Variants in ADAM10 observed in about 807,000 individuals in gnomAD.
ADAM10 encodes the protein ADAM metallopeptidase domain 10.
A neutral mutation model predicts 90.1 loss-of-function variants in ADAM10; 17 were observed. That is an observed-to-expected ratio of 0.19 (90% CI 0.13 to 0.28). The LOEUF (loss-of-function observed/expected upper bound fraction) is 0.28, where lower values mean the gene tolerates loss of function less well. Among genes scored for constraint, ADAM10 ranks in the 10% least tolerant of loss-of-function variants. The pLI is 1.00. For missense variants in ADAM10, 610 were observed against 914.3 expected (o/e 0.67, Z 4.29); for synonymous variants, 310 against 298.6 (o/e 1.04, Z -0.40).
At chr15:58,644,008 G>A in intron 6 of ADAM10, 30 bp from the exon 7 acceptor site, 1 of 1,459,758 alleles carries the variant, frequency 6.9e-7, no homozygotes, top group South Asian at 1.1e-5. Flanking sequence ...ACATTTTAGA[G>A]GCAATGTTGA....
intron 11 of ADAM10, among the ~76,000 whole-genome samples, chr15:58,617,812 G>A (rs886328028): frequency 6.0e-5 from 9 of 150,322 alleles, no homozygotes; most frequent in African/African-American, 2.0e-4. Flanking sequence ...AAAAAAAAGA[G>A]TAAGTTTAAT....
intron 1 of ADAM10, among the ~76,000 whole-genome samples, chr15:58,728,172 A>G (rs1384345110): frequency 6.6e-6 from 1 of 152,218 alleles, no homozygotes; most frequent in Non-Finnish European, 1.5e-5. Context: ...AATTAAGCCA[A>G]TAACAGATAT....
chr15:58,692,633 T>A (rs1398220079), intron 2 of ADAM10: 4 of 559,528 alleles, frequency 7.1e-6, no homozygotes, highest in Non-Finnish European at 1.4e-5. Context: ...AAGTACTCTG[T>A]CTGATCTTCT....
In ADAM10 at chr15:58,593,212, C is replaced by T. The variant is rs1336279777; in HGVS notation, c.*4335G>A. 2.8e-5 allele frequency: 3 copies of T among 107,442 alleles called. No homozygotes were observed. Among genetic ancestry groups the T allele is most frequent in the African/African-American group, 1.1e-4 (3 of 27,866 alleles). 6.7% of individuals were successfully genotyped at this position (107,442 alleles called of 1,614,324 possible). ...TTTTTTTTTTTGAGACAGAGTCTCGCTCTGTCACCCAGGCTGGAGTGCAAT... is the reference window on the plus strand; with the variant it reads ...TTTTTTTTTTTGAGACAGAGTCTCGTTCTGTCACCCAGGCTGGAGTGCAAT... On this transcript the variant is annotated 3_prime_UTR_variant, in exon 16 of 16. Coordinates refer to ENST00000260408, the MANE Select transcript of ADAM10 (RefSeq NM_001110.4).
At chr15:58,630,312 G>A (rs1438292800) in intron 9 of ADAM10, among the ~76,000 whole-genome samples, 1 of 152,122 alleles carries the variant, frequency 6.6e-6, no homozygotes, top group Admixed American at 6.5e-5. Flanking sequence ...GATTTCAACA[G>A]GCAGACATGG....
chr15:58,623,507 G>A lies in ADAM10; in HGVS notation c.1361-1886C>T, dbSNP rs17190706. On this transcript the variant is annotated intron_variant, in intron 10 of 15. Coordinates refer to ENST00000260408, the MANE Select transcript of ADAM10 (RefSeq NM_001110.4). ...TGTTTCACTTTAAACCATCTCTTTCGTTCTCAAAAACCAGAAGCATGCACT... is the reference window on the plus strand; with the variant it reads ...TGTTTCACTTTAAACCATCTCTTTCATTCTCAAAAACCAGAAGCATGCACT... 2.7e-3 allele frequency among the ~76,000 whole-genome samples: 408 copies of A among 152,170 alleles called. 1 individual carries two copies. Among genetic ancestry groups the A allele is most frequent in the South Asian group, 0.02 (94 of 4,814 alleles).
At position 58,621,080 on chromosome 15, in the gene ADAM10, G is replaced by A. The variant is rs565407548; in HGVS notation, c.1511+391C>T. Among the ~76,000 whole-genome samples the A allele has an allele frequency of 5.9e-5, 9 of 151,528 alleles. 1 individual carries two copies. In the South Asian group the frequency reaches 1.3e-3, roughly 21 times the overall value. On this transcript the variant is annotated intron_variant, in intron 11 of 15. Coordinates refer to ENST00000260408, the MANE Select transcript of ADAM10 (RefSeq NM_001110.4). ...GTAGTCCAAACAAGCCTGGGCAAAT[G>A]GCGTAACTCTGTCTCTAAAAAAAAA...
intron 2 of ADAM10, among the ~76,000 whole-genome samples, chr15:58,707,555 C>A (rs1033307540): frequency 3.3e-5 from 5 of 152,068 alleles, no homozygotes; most frequent in Admixed American, 2.0e-4. Flanking sequence ...TGAGTAACTT[C>A]ATCCTATGTA....
intron 1 of ADAM10, among the ~76,000 whole-genome samples, chr15:58,719,305 C>T (rs548169793): frequency 3.8e-4 from 58 of 151,358 alleles, no homozygotes; most frequent in Admixed American, 1.1e-3. Context: ...GCCTGGGCAA[C>T]GAAAGTGAAA....
chr15:58,723,942 T>C (rs1208221377), intron 1 of ADAM10, among the ~76,000 whole-genome samples: 1 of 151,962 alleles, frequency 6.6e-6, no homozygotes, highest in African/African-American at 2.4e-5. Context: ...ATTAAGAAAT[T>C]CATATTGGCC....
intron 1 of ADAM10, among the ~76,000 whole-genome samples, chr15:58,730,791 T>C (rs1484811156): frequency 3.9e-5 from 6 of 151,998 alleles, no homozygotes; most frequent in Non-Finnish European, 8.8e-5. Context: ...GCAGGCACCA[T>C]CCAATTGGCT....
At chr15:58,599,363 T>C (rs1382215559) in intron 15 of ADAM10, among the ~76,000 whole-genome samples, 13 of 151,156 alleles carry the variant, frequency 8.6e-5, no homozygotes, top group Admixed American at 7.9e-4. Context: ...AAATTTAAAA[T>C]TTCTAGTTCT....
At chr15:58,689,429 T>C (rs1268513473) in intron 2 of ADAM10, among the ~76,000 whole-genome samples, 9 of 152,092 alleles carry the variant, frequency 5.9e-5, no homozygotes, top group African/African-American at 1.9e-4. Flanking sequence ...GAGGTTGCAG[T>C]GAGCTGAGAT....
In ADAM10 at chr15:58,597,362, A is replaced by G. The variant is rs200247666; in HGVS notation, c.*185T>C. 1 of 1,541,682 alleles carries G rather than the reference A, an allele frequency of 6.5e-7. No homozygotes were observed. The highest frequency in any genetic ancestry group is 8.7e-7 in the Non-Finnish European group (1 of 1,143,254). ...GTTCCTTTTCCACCTCCCACCCCCA[A>G]ATTGGAATTTTCAGGCTTTAAAATT... On this transcript the variant is annotated 3_prime_UTR_variant, in exon 16 of 16. Coordinates refer to ENST00000260408, the MANE Select transcript of ADAM10 (RefSeq NM_001110.4).
intron 2 of ADAM10, chr15:58,693,239 G>T (rs1897881793): frequency 1.7e-6 from 1 of 592,350 alleles, no homozygotes; most frequent in Non-Finnish European, 3.1e-6. Flanking sequence ...AGCAAGGTGG[G>T]CTGAGTGTCC....
Position 58,689,778 on chromosome 15 carries a change from C to T in ADAM10, c.207-7464G>A, listed in dbSNP as rs1897722017. Among the ~76,000 whole-genome samples the T allele has an allele frequency of 2.6e-5, 4 of 151,164 alleles. No individual in the cohort carries two copies. The South Asian group carries it at 8.4e-4, about 32-fold the overall frequency. Reference sequence around the variant, plus strand: ...AAAATATAGAAAATCTGAATAAGCCCCTATCTACTGAAGAAAATGAATTCA... The same window carrying T: ...AAAATATAGAAAATCTGAATAAGCCTCTATCTACTGAAGAAAATGAATTCA... On this transcript the variant is annotated intron_variant, in intron 2 of 15. Transcript: ENST00000260408.
Position 58,640,911 on chromosome 15 carries a change from G to A in ADAM10, c.878C>T (p.Pro293Leu). The change falls in exon 8 of 16, where the codon CCA (proline) becomes CTA (leucine). Residue 293 changes from proline to leucine, a missense_variant. Coordinates refer to ENST00000260408, the MANE Select transcript of ADAM10 (RefSeq NM_001110.4). ...EKDPTNPFRFPNIGVEKFLEL... is the reference protein window; with the variant it reads ...EKDPTNPFRFLNIGVEKFLEL... The stretch of plus-strand genomic sequence containing the variant: ...CAGAAACTTCTCCACACCAATATTT[G>A]GGAAACGGAAAGGATTTGTAGGGTC... 1.9e-6 allele frequency: 3 copies of A among 1,614,072 alleles called. No homozygotes were observed. Among genetic ancestry groups the A allele is most frequent in the Non-Finnish European group, 2.5e-6 (3 of 1,179,982 alleles).
chr15:58,630,346 G>A (rs542071990), intron 9 of ADAM10, among the ~76,000 whole-genome samples: 1 of 152,252 alleles, frequency 6.6e-6, no homozygotes, highest in Non-Finnish European at 1.5e-5. Flanking sequence ...TCCTAGCGGA[G>A]GAAAGTTTTA....
chr15:58,685,505 T>C (rs1438683540), intron 2 of ADAM10, among the ~76,000 whole-genome samples: 1 of 139,192 alleles, frequency 7.2e-6, no homozygotes, highest in African/African-American at 2.7e-5. Flanking sequence ...AAAAAGAATA[T>C]AGTACGTTAC....
Sources: gnomAD v4.1 joint callset for allele counts (sites outside exome capture counted in the v4.1 genomes callset) on GRCh38, gnomAD v4.1.1 for gene constraint, MANE v1.5 for transcripts, NCBI Gene and HGNC (gene_info 2026-07-23, HGNC 2026-07-21) for gene names.